LUC7L3: variants seen among roughly 807,000 people sequenced by gnomAD.
LUC7L3 encodes the protein luc7-like protein 3.
LUC7L3 carries 6 observed loss-of-function variants against 66.8 expected under a neutral mutation model. The ratio of observed to expected loss-of-function variants is 0.09; its 90% confidence interval spans 0.05 to 0.18. The LOEUF is 0.18. Among genes scored for constraint, LUC7L3 ranks in the 10% least tolerant of loss-of-function variants. The probability of loss-of-function intolerance (pLI) is 1.00; values close to 1 mark genes in which losing one functional copy is unlikely to be tolerated. For synonymous variants in LUC7L3, 160 were observed against 174.7 expected, an observed-to-expected ratio of 0.92 and a Z score of 0.66; for missense variants, 341 against 531.1, an observed-to-expected ratio of 0.64 and a Z score of 3.52.
At chr17:50,742,341 A>G (rs1970401804) in intron 5 of LUC7L3, among the ~76,000 whole-genome samples, 1 of 152,040 alleles carries the variant, frequency 6.6e-6, no homozygotes, top group Non-Finnish European at 1.5e-5. Flanking sequence ...CCTGTAGATG[A>G]TATTGGAGTC....
chr17:50,746,128 G>T (rs1597937394), intron 8 of LUC7L3, 125 bp downstream of exon 8: 1 of 1,356,134 alleles, frequency 7.4e-7, no homozygotes, highest in Non-Finnish European at 9.6e-7. Context: ...TGATAGGATG[G>T]GTTGCGAGAG....
intron 2 of LUC7L3, among the ~76,000 whole-genome samples, chr17:50,738,372 C>T (rs955495613): frequency 4.6e-5 from 7 of 152,024 alleles, no homozygotes; most frequent in African/African-American, 9.7e-5. Flanking sequence ...GCCAGACGTT[C>T]GAAGAAAGCC....
chr17:50,738,072 T>C (rs1970095364), intron 2 of LUC7L3: 1 of 424,546 alleles, frequency 2.4e-6, no homozygotes, highest in Non-Finnish European at 4.6e-6. Flanking sequence ...TGAATCTATA[T>C]TTTTATTGGT....
chr17:50,744,488 A>T (rs1970542353), intron 6 of LUC7L3, among the ~76,000 whole-genome samples, 164 bp from the exon 7 acceptor site: 1 of 152,236 alleles, frequency 6.6e-6, no homozygotes, highest in Admixed American at 6.5e-5. Flanking sequence ...TACCTTAAAC[A>T]TCCCTCTCTA....
intron 1 of LUC7L3, chr17:50,722,829 G>C (rs1359741885): frequency 6.6e-6 from 1 of 152,174 alleles, no homozygotes; most frequent in African/African-American, 2.4e-5. Context: ...GCTACCTCTG[G>C]ATCTGAGAAA....
At chr17:50,729,884 A>C (rs1969443745) in intron 1 of LUC7L3, among the ~76,000 whole-genome samples, 1 of 137,522 alleles carries the variant, frequency 7.3e-6, no homozygotes, top group Admixed American at 7.6e-5. Context: ...GTATATATTG[A>C]ATATAAATAC....
Position 50,755,410 on chromosome 17 carries a change from G to A in LUC7L3, c.*4749G>A, listed in dbSNP as rs1291079642. On this transcript the variant is annotated 3_prime_UTR_variant, in exon 10 of 10. Transcript: ENST00000505658. Reference sequence around the variant, plus strand: ...TGCTGTTTTTACCTGGTAATATTTAGAAACATTTATTTTGAGATAAAGGAG... The same window carrying A: ...TGCTGTTTTTACCTGGTAATATTTAAAAACATTTATTTTGAGATAAAGGAG... 1 of 152,180 alleles carries A rather than the reference G, an allele frequency of 6.6e-6. No individual in the cohort carries two copies. Among genetic ancestry groups the A allele is most frequent in the Non-Finnish European group, 1.5e-5 (1 of 68,028 alleles). 9.4% of individuals were successfully genotyped at this position (152,180 alleles called of 1,614,324 possible).
chr17:50,736,665 C>A (rs1425194599), intron 1 of LUC7L3: 4 of 293,532 alleles, frequency 1.4e-5, no homozygotes, highest in South Asian at 9.8e-5. Flanking sequence ...TAAAAATTGC[C>A]CTTTATTTTG....
intron 9 of LUC7L3, among the ~76,000 whole-genome samples, chr17:50,749,011 A>G (rs1195033968): frequency 6.6e-6 from 1 of 152,200 alleles, no homozygotes; most frequent in East Asian, 1.9e-4. Flanking sequence ...GGCAAATGAG[A>G]AAAAGCAAGT....
Position 50,746,580 on chromosome 17 carries a change from C to T in LUC7L3, c.1016C>T (p.Ser339Leu). 1.9e-6 allele frequency: 3 copies of T among 1,613,828 alleles called. No individual in the cohort carries two copies. Residue 339 changes from serine to leucine, a missense_variant, in exon 9 of 10, where the codon TCA (serine) becomes TTA (leucine). Around this residue, in one of 6 missense-constraint regions of LUC7L3, gnomAD observed 210 missense variants for 238.1 expected, o/e 0.88. Transcript: ENST00000505658. Reference protein sequence around the residue: ...DRRRSRSHDRSERKHRSRSRD... With the variant: ...DRRRSRSHDRLERKHRSRSRD... The stretch of plus-strand genomic sequence containing the variant: ...CGAAGAAGCAGAAGCCATGATCGAT[C>T]AGAAAGAAAACACAGATCTCGAAGT...
intron 1 of LUC7L3, among the ~76,000 whole-genome samples, chr17:50,727,367 A>G (rs1448412599): frequency 6.6e-6 from 1 of 152,214 alleles, no homozygotes; most frequent in Non-Finnish European, 1.5e-5. Flanking sequence ...CACTCATGGC[A>G]GAAGGGGAGC....
rs1968611334 is a variant in LUC7L3 at position 50,719,803 on chromosome 17, G to A, written c.71G>A (p.Arg24His). ...CGAAACCTAGCCCCGGACGAGAAGCGCAGCAACGTGCGGTGGGACCACGAG... is the reference window on the plus strand; with the variant it reads ...CGAAACCTAGCCCCGGACGAGAAGCACAGCAACGTGCGGTGGGACCACGAG... ...RDRNLAPDEK[R>H]SNVRWDHESV... The change falls in exon 1 of 10, where the codon CGC becomes CAC. Residue 24 changes from arginine (R) to histidine (H), a missense_variant. Physicochemically the swap from Arg to His is conservative, Grantham distance 29 (BLOSUM62 0). Transcript: ENST00000505658. 6.2e-7 allele frequency: 1 copy of A among 1,611,992 alleles called. No individual in the cohort carries two copies. The highest frequency in any genetic ancestry group is 2.2e-5 in the East Asian group (1 of 44,760).
intron 1 of LUC7L3, among the ~76,000 whole-genome samples, chr17:50,731,138 A>C (rs560731249): frequency 8.1e-4 from 124 of 152,336 alleles, no homozygotes; most frequent in African/African-American, 2.8e-3. Flanking sequence ...AGCAGTTCTC[A>C]TGATTATATC....
chr17:50,746,070 G>T, intron 8 of LUC7L3, 67 bp downstream of exon 8: 1 of 1,489,650 alleles, frequency 6.7e-7, no homozygotes, highest in Non-Finnish European at 8.9e-7. Context: ...ATAACTACTA[G>T]TATTATTCCT....
rs1343750571 is a variant in LUC7L3 at position 50,756,005 on chromosome 17, C to T, written c.*5344C>T. 3.3e-5 allele frequency: 5 copies of T among 152,050 alleles called. No individual in the cohort carries two copies. The highest frequency in any genetic ancestry group is 7.3e-5 in the Non-Finnish European group (5 of 68,028). The allele number at this position is 152,050 out of a possible 1,614,324, so 9.4% of individuals were successfully genotyped here. ...TCAATGAAAGTCAAAAACAGGCTGT[C>T]AAATACATGATAAAAGGAAACGATT... On this transcript the variant is annotated 3_prime_UTR_variant, in exon 10 of 10. Transcript: ENST00000505658.
In LUC7L3 at chr17:50,752,325, TA is replaced by T; in HGVS notation, c.*1665del. 1 of 765,230 alleles carries T rather than the reference TA, an allele frequency of 1.3e-6. No individual in the cohort carries two copies. Among genetic ancestry groups the T allele is most frequent in the Non-Finnish European group, 1.8e-6 (1 of 554,054 alleles). 47.4% of individuals were successfully genotyped at this position (765,230 alleles called of 1,614,324 possible). On this transcript the variant is annotated 3_prime_UTR_variant, in exon 10 of 10. Coordinates refer to ENST00000505658, the MANE Select transcript of LUC7L3 (RefSeq NM_016424.5). The stretch of plus-strand genomic sequence containing the variant: ...AAGTATAAAGCTCAGTTAGTTTTTT[TA>T]TTATTATTATTATTAAAAGTTAATT...
intron 8 of LUC7L3, among the ~76,000 whole-genome samples, chr17:50,746,307 T>C (rs1186355230): frequency 7.2e-5 from 11 of 152,194 alleles, no homozygotes; most frequent in Non-Finnish European, 1.5e-5. Flanking sequence ...CCATACTGTT[T>C]TAATTATAAT....
chr17:50,740,138 T>C, intron 2 of LUC7L3, 168 bp from the exon 3 acceptor site: 1 of 571,092 alleles, frequency 1.8e-6, no homozygotes, highest in Non-Finnish European at 3.0e-6. Context: ...ATATCCTATT[T>C]GGTTATGATG....
intron 1 of LUC7L3, among the ~76,000 whole-genome samples, chr17:50,728,210 A>G (rs1969331384): frequency 3.9e-5 from 6 of 152,064 alleles, no homozygotes; most frequent in Admixed American, 3.3e-4. Context: ...CAGAAGAGAG[A>G]TGTTTACTAA....
Sources: allele counts gnomAD v4.1 joint callset (sites outside exome capture counted in the v4.1 genomes callset), GRCh38; gene constraint gnomAD v4.1.1; regional missense constraint gnomAD v4.1.1; transcripts MANE v1.5; gene names NCBI Gene and HGNC (gene_info 2026-07-23, HGNC 2026-07-21).